GNB4: variants seen among roughly 807,000 people sequenced by gnomAD.
GNB4 encodes G protein subunit beta 4.
GNB4 carries 28 observed loss-of-function variants against 45.2 expected under a neutral mutation model. That is an observed-to-expected ratio of 0.62 (90% CI 0.46 to 0.85). The LOEUF (loss-of-function observed/expected upper bound fraction) is 0.85. Ranked by LOEUF, GNB4 falls within the 40% of genes least tolerant of loss-of-function variation. The pLI, the probability that GNB4 is intolerant of heterozygous loss-of-function variation, is 0.00. For missense variants in GNB4, 321 were observed against 425.4 expected, an observed-to-expected ratio of 0.75 and a Z score of 2.16; for synonymous variants, 132 against 143.7, an observed-to-expected ratio of 0.92 and a Z score of 0.58.
chr3:179,464,366 G>T, the GNB4 span: 4 of 870,722 alleles, frequency 4.6e-6, no homozygotes, highest in African/African-American at 6.6e-5. Flanking sequence ...CTTCCCTCAT[G>T]TCCAGGTTGG....
chr3:179,522,494 T>G, the GNB4 span, among the ~76,000 whole-genome samples: 1 of 152,202 alleles, frequency 6.6e-6, no homozygotes, highest in African/African-American at 2.4e-5. Context: ...AGAAGGCATA[T>G]TTACAGTCAG....
At chr3:179,475,906 C>T in the GNB4 span, among the ~76,000 whole-genome samples, 2 of 152,236 alleles carry the variant, frequency 1.3e-5, no homozygotes, top group Non-Finnish European at 2.9e-5. Flanking sequence ...AATACTGTCA[C>T]AGTGGCAATT....
chr3:179,470,151 C>T, the GNB4 span, among the ~76,000 whole-genome samples: 61 of 152,168 alleles, frequency 4.0e-4, no homozygotes, highest in Non-Finnish European at 6.8e-4. Flanking sequence ...TGATAATAAG[C>T]AACTTTGTGG....
chr3:179,494,181 T>G, the GNB4 span, among the ~76,000 whole-genome samples: 1 of 152,196 alleles, frequency 6.6e-6, no homozygotes, highest in Non-Finnish European at 1.5e-5. Flanking sequence ...TATTTCTGTG[T>G]TCCCTTGTGG....
At chr3:179,402,121 G>A (rs1714321944) in intron 9 of GNB4, among the ~76,000 whole-genome samples, 1 of 152,038 alleles carries the variant, frequency 6.6e-6, no homozygotes, top group Non-Finnish European at 1.5e-5. Context: ...TCTCCAGTAT[G>A]GCCATGTTTG....
chr3:179,494,997 C>T, the GNB4 span, among the ~76,000 whole-genome samples: 4 of 150,666 alleles, frequency 2.7e-5, no homozygotes, highest in South Asian at 6.3e-4. Flanking sequence ...TGGATATCCA[C>T]AGCCATGAAG....
the GNB4 span, among the ~76,000 whole-genome samples, chr3:179,487,779 G>A: frequency 2.2e-3 from 334 of 152,210 alleles, 1 homozygote; most frequent in Middle Eastern, 0.027. Flanking sequence ...GGCCAGGTGC[G>A]TTGGCTCACA....
chr3:179,413,163 G>A (rs1489506495), intron 8 of GNB4, among the ~76,000 whole-genome samples: 3 of 151,782 alleles, frequency 2.0e-5, no homozygotes, highest in Admixed American at 2.0e-4. Flanking sequence ...GGACGACAGA[G>A]CAAGACTGTC....
the GNB4 span, among the ~76,000 whole-genome samples, chr3:179,485,340 A>G: frequency 6.6e-6 from 1 of 152,096 alleles, no homozygotes; most frequent in Non-Finnish European, 1.5e-5. Context: ...CATAACTACT[A>G]TGAATAATGA....
intron 4 of GNB4, among the ~76,000 whole-genome samples, chr3:179,417,904 A>G (rs1714849352): frequency 6.6e-6 from 1 of 152,116 alleles, no homozygotes; most frequent in Admixed American, 6.6e-5. Context: ...ATGGCATCTA[A>G]AGAAAATTCT....
chr3:179,493,830 T>C, the GNB4 span, among the ~76,000 whole-genome samples: 1 of 152,200 alleles, frequency 6.6e-6, no homozygotes, highest in Non-Finnish European at 1.5e-5. Context: ...GTCTTCCTTT[T>C]CTACATACAC....
intron 2 of GNB4, among the ~76,000 whole-genome samples, chr3:179,425,025 G>A (rs1215842553): frequency 1.3e-5 from 2 of 152,176 alleles, no homozygotes; most frequent in South Asian, 2.1e-4. Context: ...ACCCTTGTAC[G>A]TTGCTTTAGC....
chr3:179,450,543 A>T (rs1035193838), intron 1 of GNB4, among the ~76,000 whole-genome samples: 1 of 152,208 alleles, frequency 6.6e-6, no homozygotes, highest in Admixed American at 6.5e-5. Flanking sequence ...AGGGAGAAAG[A>T]TGCATCCTTA....
chr3:179,476,035 G>A, the GNB4 span, among the ~76,000 whole-genome samples: 1 of 152,132 alleles, frequency 6.6e-6, no homozygotes, highest in Non-Finnish European at 1.5e-5. Flanking sequence ...TCTAGTACCA[G>A]CTCAAAAGTT....
chr3:179,403,604 C>G (rs919743292), intron 9 of GNB4, among the ~76,000 whole-genome samples: 7 of 151,978 alleles, frequency 4.6e-5, no homozygotes, highest in Non-Finnish European at 8.8e-5. Context: ...ACCAGCCTGA[C>G]CAACATGGTG....
At chr3:179,403,151 G>A (rs752861942) in intron 9 of GNB4, among the ~76,000 whole-genome samples, 10 of 152,144 alleles carry the variant, frequency 6.6e-5, no homozygotes, top group Non-Finnish European at 1.0e-4. Context: ...CTCAGTGAAC[G>A]GCCAGCCTAG....
At chr3:179,447,527 T>C (rs1001762210) in intron 1 of GNB4, among the ~76,000 whole-genome samples, 3 of 151,934 alleles carry the variant, frequency 2.0e-5, no homozygotes, top group African/African-American at 7.3e-5. Flanking sequence ...ACGTTTTTAT[T>C]TTATCTAACA....
At chr3:179,521,877 C>T in the GNB4 span, among the ~76,000 whole-genome samples, 1 of 152,018 alleles carries the variant, frequency 6.6e-6, no homozygotes, top group East Asian at 1.9e-4. Flanking sequence ...TTCTAACAAC[C>T]CCGCAATATC....
At chr3:179,520,506 G>A in the GNB4 span, among the ~76,000 whole-genome samples, 10 of 152,078 alleles carry the variant, frequency 6.6e-5, no homozygotes, top group Non-Finnish European at 1.0e-4. Flanking sequence ...GTCAGTGTGC[G>A]GTGGCTGCCG....
Sources: allele counts gnomAD v4.1 joint callset (sites outside exome capture counted in the v4.1 genomes callset), GRCh38; gene constraint gnomAD v4.1.1; transcripts MANE v1.5; gene names NCBI Gene and HGNC (gene_info 2026-07-23, HGNC 2026-07-21).